PKHD1L1: variants seen among roughly 807,000 people sequenced by gnomAD.
The protein encoded by PKHD1L1 is fibrocystin-L.
In PKHD1L1, 434 loss-of-function variants were observed where a neutral mutation model predicts 462.9. The ratio of observed to expected loss-of-function variants is 0.94; its 90% confidence interval spans 0.87 to 1.02. PKHD1L1 has a LOEUF of 1.02. Ranked by LOEUF, PKHD1L1 falls within the 50% of genes least tolerant of loss-of-function variation. The probability of loss-of-function intolerance (pLI) is 0.00; values close to 1 mark genes in which losing one functional copy is unlikely to be tolerated. For missense variants in PKHD1L1, 5,202 were observed against 5,096.1 expected, an observed-to-expected ratio of 1.02 and a Z score of -0.63; for synonymous variants, 1,781 against 1,750.0, an observed-to-expected ratio of 1.02 and a Z score of -0.44.
intron 72 of PKHD1L1, 68 bp downstream of exon 72, chr8:109,515,373 T>C: frequency 8.2e-7 from 1 of 1,221,432 alleles, no homozygotes; most frequent in Non-Finnish European, 1.1e-6. Context: ...AAGTGTCTGA[T>C]TATTAGTATT....
At chr8:109,523,103 G>T (rs1241525491) in intron 75 of PKHD1L1, 130 bp from the exon 76 acceptor site, 6 of 1,031,872 alleles carry the variant, frequency 5.8e-6, no homozygotes, top group Non-Finnish European at 8.2e-6. Context: ...AACTCTTTGT[G>T]TGGAATAAGG....
chr8:109,522,043 T>G (rs1339326044), intron 73 of PKHD1L1, 143 bp from the exon 74 acceptor site: 7 of 680,296 alleles, frequency 1.0e-5, no homozygotes, highest in South Asian at 2.8e-5. Context: ...ATGACTGCTG[T>G]GTTTTGCTCA....
chr8:109,373,096 G>T (rs1429322802), intron 2 of PKHD1L1, among the ~76,000 whole-genome samples: 13 of 152,092 alleles, frequency 8.5e-5, no homozygotes, highest in Admixed American at 3.9e-4. Context: ...GCTCCTCCTT[G>T]TCCTCTGGTA....
At chr8:109,528,537 C>G (rs909964166) in intron 77 of PKHD1L1, among the ~76,000 whole-genome samples, 2 of 152,130 alleles carry the variant, frequency 1.3e-5, no homozygotes, top group African/African-American at 4.8e-5. Flanking sequence ...ATATCTATAC[C>G]TAGGCTGCCA....
At chr8:109,429,839 C>T (rs2130689381) in intron 26 of PKHD1L1, 93 bp from the exon 27 acceptor site, 2 of 847,128 alleles carry the variant, frequency 2.4e-6, no homozygotes, top group East Asian at 2.7e-5. Flanking sequence ...ATTAGCAAAC[C>T]AACAAAATTC....
At chr8:109,498,801 C>T in intron 67 of PKHD1L1, 30 bp downstream of exon 67, 1 of 1,504,952 alleles carries the variant, frequency 6.6e-7, no homozygotes, top group Non-Finnish European at 9.1e-7. Context: ...CAAATCTTCT[C>T]AATTAATTTC....
In PKHD1L1 at chr8:109,536,834, G is replaced by C. The variant is rs1272265511; in HGVS notation, c.*6744G>C. On this transcript the variant is annotated 3_prime_UTR_variant, in exon 78 of 78. Coordinates refer to ENST00000378402, the MANE Select transcript of PKHD1L1 (RefSeq NM_177531.6). ...ATTATGAGGAAAAATTTATTTAAAT[G>C]CTTCATAGAAAGTTAATTTTCATTT... Among the ~76,000 whole-genome samples the C allele has an allele frequency of 2.0e-5, 3 of 152,084 alleles. No homozygotes were observed. Among genetic ancestry groups the C allele is most frequent in the African/African-American group, 7.2e-5 (3 of 41,408 alleles).
intron 63 of PKHD1L1, 53 bp from the exon 64 acceptor site, chr8:109,496,866 C>G: frequency 6.6e-7 from 1 of 1,521,184 alleles, no homozygotes; most frequent in Non-Finnish European, 8.9e-7. Context: ...CTTATTAAAA[C>G]TATATGACAT....
chr8:109,526,726 G>A, intron 76 of PKHD1L1, 58 bp from the exon 77 acceptor site: 2 of 1,379,698 alleles, frequency 1.4e-6, no homozygotes, highest in Non-Finnish European at 2.0e-6. Context: ...AATGGGAACG[G>A]TATGAAAACA....
At chr8:109,378,772 G>A (rs890648497) in intron 2 of PKHD1L1, among the ~76,000 whole-genome samples, 6 of 152,158 alleles carry the variant, frequency 3.9e-5, no homozygotes, top group African/African-American at 1.4e-4. Flanking sequence ...TGGGCTTCTG[G>A]GCAGTCGAAG....
chr8:109,459,261 T>C (rs1013128587), intron 46 of PKHD1L1, among the ~76,000 whole-genome samples: 5 of 152,108 alleles, frequency 3.3e-5, no homozygotes, highest in Non-Finnish European at 5.9e-5. Flanking sequence ...AAATGTCCCC[T>C]GGGAGGAATA....
chr8:109,470,308 T>A (rs1375614350), intron 50 of PKHD1L1: 1 of 1,487,786 alleles, frequency 6.7e-7, no homozygotes, highest in Non-Finnish European at 9.4e-7. Flanking sequence ...AACGAGGTCA[T>A]CATCATATTT....
chr8:109,444,179 C>T (rs1477226674), intron 37 of PKHD1L1, among the ~76,000 whole-genome samples: 3 of 151,934 alleles, frequency 2.0e-5, no homozygotes, highest in Non-Finnish European at 4.4e-5. Flanking sequence ...TCGATCCCAG[C>T]CTAAGGTGGT....
chr8:109,411,331 AT>A (rs1294845531), intron 19 of PKHD1L1, among the ~76,000 whole-genome samples: 2 of 152,186 alleles, frequency 1.3e-5, no homozygotes, highest in Non-Finnish European at 2.9e-5. Flanking sequence ...AGAATAAAAA[AT>A]GTATACTCTA....
intron 40 of PKHD1L1, 129 bp from the exon 41 acceptor site, chr8:109,450,846 A>G (rs548335298): frequency 1.1e-4 from 99 of 876,402 alleles, no homozygotes; most frequent in Non-Finnish European, 1.6e-4. Context: ...ATTCACATGT[A>G]GCCTAGGTAT....
In PKHD1L1 at chr8:109,489,538, A is replaced by C. The variant is rs568063926; in HGVS notation, c.9881-414A>C. Among the ~76,000 whole-genome samples the C allele has an allele frequency of 1.3e-3, 203 of 152,104 alleles. 2 individuals are homozygous for C. The highest frequency in any genetic ancestry group is 4.7e-3 in the African/African-American group (196 of 41,546). On this transcript the variant is annotated intron_variant, in intron 59 of 77. Transcript: ENST00000378402. ...AATGCCCTTAAAAGCTCTTTATGGCATCAAAAGGGAAATATCAGGTAAATT... is the reference window on the plus strand; with the variant it reads ...AATGCCCTTAAAAGCTCTTTATGGCCTCAAAAGGGAAATATCAGGTAAATT...
Position 109,510,785 on chromosome 8 carries a change from G to C in PKHD1L1, c.11404G>C (p.Asp3802His), listed in dbSNP as rs778802643. 2 of 1,612,656 alleles carry C rather than the reference G, an allele frequency of 1.2e-6. No individual in the cohort carries two copies. Among genetic ancestry groups the C allele is most frequent in the South Asian group, 1.1e-5 (1 of 90,932 alleles). ...ATTTTGCATGGATTTAGGCCCACAGGATCATGGCTGGTGTGCTGGATATAC... is the reference window on the plus strand; with the variant it reads ...ATTTTGCATGGATTTAGGCCCACAGCATCATGGCTGGTGTGCTGGATATAC... Reference protein sequence around the residue: ...GYVDLINGPQDHGWCAGYTCQ... With the variant: ...GYVDLINGPQHHGWCAGYTCQ... The change falls in exon 71 of 78, where the codon GAT (aspartate) becomes CAT (histidine). Residue 3802 changes from aspartate to histidine, a missense_variant. Around this residue, in one of 3 missense-constraint regions of PKHD1L1, gnomAD observed 698 missense variants for 736.3 expected, o/e 0.95. Transcript: ENST00000378402.
chr8:109,477,244 T>G lies in PKHD1L1; in HGVS notation c.8937T>G (p.Leu2979=). The change falls in exon 53 of 78, where the codon CTT becomes CTG. Residue 2979 remains leucine (L), a synonymous_variant. Transcript: ENST00000378402. ...TTTCAGTGTCAGGAAGAAATGACCT[T>G]CATCAGAGTCAGCTCATTTCTGGGA... is the stretch of plus-strand genomic sequence containing the variant. ...LYYLVSGRND[L]HQSQLISGNL... 3 of 1,613,250 alleles carry G rather than the reference T, an allele frequency of 1.9e-6. No individual in the cohort carries two copies. The highest frequency in any genetic ancestry group is 2.5e-6 in the Non-Finnish European group (3 of 1,179,564).
At chr8:109,406,643 G>A (rs533653045) in intron 17 of PKHD1L1, among the ~76,000 whole-genome samples, 165 bp downstream of exon 17, 1 of 152,202 alleles carries the variant, frequency 6.6e-6, no homozygotes, top group African/African-American at 2.4e-5. Context: ...GTATTTCAAG[G>A]AATGTACAAC....
Sources: gnomAD v4.1 joint callset for allele counts (sites outside exome capture counted in the v4.1 genomes callset) on GRCh38, gnomAD v4.1.1 for gene constraint, gnomAD v4.1.1 regional missense constraint, MANE v1.5 for transcripts, NCBI Gene and HGNC (gene_info 2026-07-23, HGNC 2026-07-21) for gene names.